Variants in KIFAP3 observed in about 807,000 individuals in gnomAD.
KIFAP3 encodes kinesin associated protein 3.
Under a neutral mutation model 106.5 loss-of-function variants are expected in KIFAP3, and 68 were observed. The ratio of observed to expected loss-of-function variants is 0.64; its 90% CI spans 0.53 to 0.78. The LOEUF is 0.78. KIFAP3 is among the 30% of genes least tolerant of loss of function. The probability of loss-of-function intolerance (pLI) is 0.00; values close to 1 mark genes in which losing one functional copy is unlikely to be tolerated. For missense variants in KIFAP3, 780 were observed against 941.8 expected (o/e 0.83, Z 2.25); for synonymous variants, 320 against 311.5 (o/e 1.03, Z -0.29).
chr1:169,978,015 A>AT, intron 16 of KIFAP3, 70 bp downstream of exon 16: 1 of 1,038,432 alleles, frequency 9.6e-7, no homozygotes, highest in Non-Finnish European at 1.5e-6. Context: ...CAAAAAAAAA[A>AT]ACAACTCAAA....
In KIFAP3 at chr1:169,978,086, T is replaced by C. The variant is rs1361682502; in HGVS notation, c.1896A>G (p.Thr632=). ...CTACGGTAAACACTGAAAGGATACG[T>C]GTTTCCTTGATTATGACGTCTCTTG... ...QATRDVIIKE[T]QAPAYLIDLM... is the part of the protein sequence containing the mutation. Residue 632 remains threonine, a splice_region_variant and synonymous_variant, in exon 16 of 20, where the codon ACA becomes ACG. Transcript: ENST00000361580. 7 of 1,578,540 alleles carry C rather than the reference T, an allele frequency of 4.4e-6. No homozygotes were observed. The highest frequency in any genetic ancestry group is 6.1e-6 in the Non-Finnish European group (7 of 1,148,264).
chr1:170,007,821 A>G (rs1026567610), intron 10 of KIFAP3, among the ~76,000 whole-genome samples: 3 of 152,194 alleles, frequency 2.0e-5, no homozygotes, highest in Admixed American at 1.3e-4. Context: ...GACAATCCTA[A>G]GCAAAAAGAA....
chr1:169,942,992 A>C (rs1034699019), intron 19 of KIFAP3, among the ~76,000 whole-genome samples: 6 of 148,894 alleles, frequency 4.0e-5, no homozygotes, highest in African/African-American at 1.5e-4. Context: ...CACTAAACTT[A>C]TTAACGCAGG....
chr1:170,048,664 G>A (rs1012791126), intron 2 of KIFAP3, among the ~76,000 whole-genome samples: 2 of 151,548 alleles, frequency 1.3e-5, no homozygotes, highest in African/African-American at 4.9e-5. Flanking sequence ...GACTGGTTAG[G>A]CAGTGGGTAC....
intron 10 of KIFAP3, among the ~76,000 whole-genome samples, chr1:169,999,998 A>G (rs1389672407): frequency 6.6e-6 from 1 of 152,172 alleles, no homozygotes; most frequent in East Asian, 1.9e-4. Context: ...TTTTCTGCCA[A>G]TTAAAGGGCA....
intron 19 of KIFAP3, among the ~76,000 whole-genome samples, chr1:169,949,821 A>G (rs1213798751): frequency 2.0e-5 from 3 of 152,052 alleles, no homozygotes; most frequent in African/African-American, 7.2e-5. Flanking sequence ...AAATGTTGGG[A>G]AATCCTGGCG....
chr1:169,961,863 G>T (rs529334093), intron 17 of KIFAP3, among the ~76,000 whole-genome samples: 2 of 152,144 alleles, frequency 1.3e-5, no homozygotes, highest in Non-Finnish European at 1.5e-5. Flanking sequence ...TTAATCAACT[G>T]TTTATGCTAT....
At chr1:169,935,463 G>T (rs1278139142) in intron 19 of KIFAP3, among the ~76,000 whole-genome samples, 1 of 151,660 alleles carries the variant, frequency 6.6e-6, no homozygotes, top group African/African-American at 2.4e-5. Flanking sequence ...GAAAAAGCAG[G>T]GTGTATCAAC....
intron 10 of KIFAP3, among the ~76,000 whole-genome samples, chr1:169,996,084 T>A (rs908776295): frequency 6.6e-6 from 1 of 152,130 alleles, no homozygotes; most frequent in Non-Finnish European, 1.5e-5. Context: ...TTTTATATAG[T>A]GAAACTAAAC....
In KIFAP3 at chr1:170,016,562, C is replaced by T. The variant is rs771390334; in HGVS notation, c.1083G>A (p.Leu361=). ...TTAGTAAAAGTCGGAGGGTGATATT[C>T]AGCAGGTCTTCATGCTCACAAGGTA... ...KMIPCEHEDL[L]NITLRLLLNL... Residue 361 remains leucine (L), a synonymous_variant, in exon 10 of 20, where the codon CTG becomes CTA. Transcript: ENST00000361580. The T allele has an allele frequency of 6.2e-7, 1 of 1,607,458 alleles. No individual in the cohort carries two copies.
chr1:169,946,760 G>A (rs989924134), intron 19 of KIFAP3, among the ~76,000 whole-genome samples: 6 of 151,842 alleles, frequency 4.0e-5, no homozygotes, highest in Admixed American at 3.9e-4. Context: ...AGAGTAAAAA[G>A]GCTTAAACAT....
intron 5 of KIFAP3, among the ~76,000 whole-genome samples, chr1:170,035,862 CTTAAA>C (rs1478432755): frequency 6.6e-6 from 1 of 151,540 alleles, no homozygotes; most frequent in Non-Finnish European, 1.5e-5. Flanking sequence ...ATTTAATAAC[CTTAAA>C]TTAAGAACTG....
upstream of KIFAP3, among the ~76,000 whole-genome samples, chr1:170,075,757 C>T (rs1317679450): frequency 2.6e-5 from 4 of 152,208 alleles, no homozygotes. Context: ...ACTCCTTCCT[C>T]TGTATCATGC....
At chr1:170,056,679 A>G (rs979824151) in intron 1 of KIFAP3, among the ~76,000 whole-genome samples, 2 of 152,192 alleles carry the variant, frequency 1.3e-5, no homozygotes, top group African/African-American at 4.8e-5. Context: ...GCATATTTTT[A>G]AAGTAATTTT....
chr1:169,945,538 T>C (rs559972182), intron 19 of KIFAP3, among the ~76,000 whole-genome samples: 13 of 152,342 alleles, frequency 8.5e-5, no homozygotes, highest in African/African-American at 2.9e-4. Flanking sequence ...GGGCCACTGC[T>C]GCCATCACTA....
At chr1:169,940,423 C>T (rs187631181) in intron 19 of KIFAP3, among the ~76,000 whole-genome samples, 61 of 152,154 alleles carry the variant, frequency 4.0e-4, no homozygotes, top group Non-Finnish European at 8.1e-4. Context: ...GCAGCAGCCC[C>T]GAACCTTTTT....
intron 9 of KIFAP3, among the ~76,000 whole-genome samples, chr1:170,017,383 C>G (rs1279214213): frequency 6.7e-6 from 1 of 149,108 alleles, no homozygotes; most frequent in African/African-American, 2.5e-5. Flanking sequence ...CCTGGAAGAA[C>G]AGAAGACTTC....
chr1:170,066,241 C>A (rs1671440541), intron 1 of KIFAP3, among the ~76,000 whole-genome samples: 1 of 147,368 alleles, frequency 6.8e-6, no homozygotes, highest in Non-Finnish European at 1.5e-5. Flanking sequence ...TATAAACTCA[C>A]ACAAAAATTT....
chr1:170,034,653 C>T (rs144992594), intron 6 of KIFAP3, among the ~76,000 whole-genome samples, 157 bp from the exon 7 acceptor site: 11 of 151,648 alleles, frequency 7.3e-5, no homozygotes, highest in Admixed American at 1.3e-4. Context: ...GGAAGACTTG[C>T]GATTATAAAA....
Sources: allele counts gnomAD v4.1 joint callset (sites outside exome capture counted in the v4.1 genomes callset), GRCh38; gene constraint gnomAD v4.1.1; transcripts MANE v1.5; gene names NCBI Gene and HGNC (gene_info 2026-07-23, HGNC 2026-07-21).